Variants in CDK2 observed in about 807,000 individuals in gnomAD.
The protein encoded by CDK2 is cyclin dependent kinase 2, also known as cyclin-dependent kinase 2.
CDK2 carries 8 observed loss-of-function variants against 35.0 expected under a neutral mutation model. The ratio of observed to expected loss-of-function variants is 0.23; its 90% confidence interval spans 0.13 to 0.41. CDK2 has a LOEUF of 0.41. CDK2 is among the 10% of genes least tolerant of loss of function. The pLI, the probability that CDK2 is intolerant of heterozygous loss-of-function variation, is 1.00. For synonymous variants in CDK2, 134 were observed against 137.7 expected (o/e 0.97, Z 0.19); for missense variants, 201 against 367.1 (o/e 0.55, Z 3.70).
intron 3 of CDK2, among the ~76,000 whole-genome samples, chr12:55,968,540 A>G (rs1410656385): frequency 6.6e-6 from 1 of 152,188 alleles, no homozygotes; most frequent in Non-Finnish European, 1.5e-5. Flanking sequence ...TCCCAGAGCT[A>G]CTTTCAATCT....
At chr12:55,970,600 C>T in intron 5 of CDK2, 1 of 702,056 alleles carries the variant, frequency 1.4e-6, no homozygotes, top group Admixed American at 2.0e-5. Flanking sequence ...TTGTTAAGCA[C>T]CTAGTGGGTA....
rs1284056409 is a variant in CDK2 at position 55,971,577 on chromosome 12, C to T, written c.849C>T (p.His283=). ...TTTCGGCCAAGGCAGCCCTGGCTCA[C>T]CCTTTCTTCCAGGATGTGACCAAGC... ...KRISAKAALA[H]PFFQDVTKPV... The change falls in exon 7 of 7, where the codon CAC becomes CAT. Residue 283 remains histidine (H), a synonymous_variant. Coordinates refer to ENST00000266970, the MANE Select transcript of CDK2 (RefSeq NM_001798.5). 12 of 1,614,078 alleles carry T rather than the reference C, an allele frequency of 7.4e-6. No individual in the cohort carries two copies. Among genetic ancestry groups the T allele is most frequent in the Non-Finnish European group, 1.0e-5 (12 of 1,180,034 alleles).
Position 55,967,180 on chromosome 12 carries a change from C to G in CDK2, c.116+56C>G, listed in dbSNP as rs1008329090. On this transcript the variant is annotated intron_variant, in intron 1 of 6. Coordinates refer to ENST00000266970, the MANE Select transcript of CDK2 (RefSeq NM_001798.5). The stretch of plus-strand genomic sequence containing the variant: ...CTGGGGACCTCCTTGATTGTCCCCC[C>G]CAACCCCCCACGGGCGGGTAGCCGT... The G allele has an allele frequency of 1.3e-5, 17 of 1,327,582 alleles. No homozygotes were observed. The East Asian group carries it at 3.6e-4, about 28-fold the overall frequency. The allele number at this position is 1,327,582 out of a possible 1,614,324, so 82.2% of individuals were successfully genotyped here. A position where few individuals can be genotyped will look rare whatever the true frequency, so the allele number is the denominator to read the frequency against.
chr12:55,969,622 C>A, intron 5 of CDK2, 46 bp downstream of exon 5: 1 of 1,103,198 alleles, frequency 9.1e-7, no homozygotes, highest in Non-Finnish European at 1.4e-6. Flanking sequence ...CCCTCTCCTC[C>A]CCACATCCAA....
At chr12:55,968,710 G>C in intron 3 of CDK2, 68 bp from the exon 4 acceptor site, 1 of 1,235,044 alleles carries the variant, frequency 8.1e-7, no homozygotes, top group Non-Finnish European at 1.1e-6. Flanking sequence ...AGAGTTTTAG[G>C]GGCACAGAGC....
At chr12:55,970,793 A>AGACCC in intron 5 of CDK2, 1 of 695,626 alleles carries the variant, frequency 1.4e-6, no homozygotes, top group South Asian at 1.5e-5. Flanking sequence ...CCAGACATTC[A>AGACCC]CCCCCTCCCA....
At chr12:55,968,251 T>G in intron 3 of CDK2, 82 bp downstream of exon 3, 1 of 1,537,654 alleles carries the variant, frequency 6.5e-7, no homozygotes, top group Non-Finnish European at 8.9e-7. Flanking sequence ...TATTTTATGA[T>G]TTTGGCCTCC....
chr12:55,970,470 A>T (rs1469457618), intron 5 of CDK2: 1 of 603,004 alleles, frequency 1.7e-6, no homozygotes, highest in Admixed American at 2.8e-5. Context: ...ATTGTCTTTT[A>T]TCTTGGTTGT....
rs1325392225 is a variant in CDK2 at position 55,968,083 on chromosome 12, T to C, written c.229T>C (p.Tyr77His). ...LDVIHTENKL[Y>H]LVFEFLHQDL... ...TGTCATTCACACAGAAAATAAACTC[T>C]ACCTGGTTTTTGAATTTCTGCACCA... Residue 77 changes from tyrosine (Y) to histidine (H), a missense_variant, in exon 3 of 7, where the codon TAC becomes CAC. Physicochemically the swap from Tyr to His is moderately conservative, Grantham distance 83. Coordinates refer to ENST00000266970, the MANE Select transcript of CDK2 (RefSeq NM_001798.5). 1 of 1,613,974 alleles carries C rather than the reference T, an allele frequency of 6.2e-7. No homozygotes were observed. Among genetic ancestry groups the C allele is most frequent in the Admixed American group, 1.7e-5 (1 of 59,988 alleles).
intron 3 of CDK2, 66 bp downstream of exon 3, chr12:55,968,235 G>T (rs1889386419): frequency 1.3e-6 from 2 of 1,587,690 alleles, no homozygotes. Context: ...AGGCAATTCA[G>T]GGTGATATTT....
Position 55,972,768 on chromosome 12 carries a change from A to AT in CDK2, c.*1144dup. 1 of 152,110 alleles carries AT rather than the reference A, an allele frequency of 6.6e-6. No homozygotes were observed. Among genetic ancestry groups the AT allele is most frequent in the Middle Eastern group, 3.4e-3 (1 of 294 alleles). The allele number at this position is 152,110 out of a possible 1,614,324, so 9.4% of individuals were successfully genotyped here. ...ATTTAGTTTGTAGCTCATTAAAAAA[A>AT]TGTGCCTAGTTTTATAGTTCATCTC... On this transcript the variant is annotated 3_prime_UTR_variant, in exon 7 of 7. Transcript: ENST00000266970.
rs114405105 is a variant in CDK2 at position 55,971,009 on chromosome 12, G to A, written c.589-35G>A. The A allele has an allele frequency of 1.8e-3, 2,788 of 1,582,202 alleles. 50 individuals are homozygous for A. In the African/African-American group the frequency reaches 0.034, roughly 20 times the overall value. On this transcript the variant is annotated intron_variant, in intron 5 of 6. Transcript: ENST00000266970. ...GAGGAGAGTTTTGACTGACGTCAAC[G>A]TGGGTCTTGGTATTTCCTCTTTCCC...
intron 1 of CDK2, 101 bp from the exon 2 acceptor site, chr12:55,967,756 G>A: frequency 1.1e-6 from 1 of 914,108 alleles, no homozygotes. Flanking sequence ...TTTCCTAGGG[G>A]GTGCTGGGTG....
chr12:55,970,731 C>A, intron 5 of CDK2: 1 of 701,682 alleles, frequency 1.4e-6, no homozygotes, highest in Middle Eastern at 2.6e-4. Context: ...GCAGTGTCTA[C>A]CCCCTACCCC....
At chr12:55,969,050 T>C in intron 4 of CDK2, 102 bp downstream of exon 4, 1 of 885,168 alleles carries the variant, frequency 1.1e-6, no homozygotes, top group Non-Finnish European at 1.7e-6. Context: ...TCTTACTAGG[T>C]AGAAATAATC....
Position 55,967,079 on chromosome 12 carries a change from A to C in CDK2, c.71A>C (p.Lys24Thr). 6.2e-7 allele frequency: 1 copy of C among 1,614,008 alleles called. No individual in the cohort carries two copies. Among genetic ancestry groups the C allele is most frequent in the Non-Finnish European group, 8.5e-7 (1 of 1,179,982 alleles). Residue 24 changes from lysine (K) to threonine (T), a missense_variant, in exon 1 of 7, where the codon AAG (lysine) becomes ACG (threonine). By Grantham distance (78) the Lys-to-Thr change is moderately conservative (BLOSUM62 -1). This residue lies in a region of CDK2 where 37 missense variants were observed against 108.4 expected (regional missense o/e 0.34). Transcript: ENST00000266970. ...TYGVVYKARN[K>T]LTGEVVALKK... Reference sequence around the variant, plus strand: ...GGAGTTGTGTACAAAGCCAGAAACAAGTTGACGGGAGAGGTGGTGGCGCTT... The same window carrying C: ...GGAGTTGTGTACAAAGCCAGAAACACGTTGACGGGAGAGGTGGTGGCGCTT...
rs1274194251 is a variant in CDK2, at chr12:55,970,786, G to C, written c.589-258G>C. 1.6e-5 allele frequency: 11 copies of C among 698,582 alleles called. No homozygotes were observed. The South Asian group carries it at 1.6e-4, about 10-fold the overall frequency. The allele number at this position is 698,582 out of a possible 1,614,324, so 43.3% of individuals were successfully genotyped here. A position where few individuals can be genotyped will look rare whatever the true frequency, so the allele number is the denominator to read the frequency against. ...TTTGCTACATGTCAGTGGCACCCCA[G>C]ACATTCACCCCCTCCCAGACCCACC... is the stretch of plus-strand genomic sequence containing the variant. On this transcript the variant is annotated intron_variant, in intron 5 of 6. Transcript: ENST00000266970.
Position 55,971,618 on chromosome 12 carries a change from G to A in CDK2, c.890G>A (p.Arg297Gln), listed in dbSNP as rs201353858. ...QDVTKPVPHL[R>Q]L is the part of the protein sequence containing the mutation. Reference sequence around the variant, plus strand: ...GTGACCAAGCCAGTACCCCATCTTCGACTCTGATAGCCTTCTTGAAGCCCC... The same window carrying A: ...GTGACCAAGCCAGTACCCCATCTTCAACTCTGATAGCCTTCTTGAAGCCCC... The change falls in exon 7 of 7, where the codon CGA becomes CAA. Residue 297 changes from arginine to glutamine, a missense_variant. Coordinates refer to ENST00000266970, the MANE Select transcript of CDK2 (RefSeq NM_001798.5). 6 of 1,610,500 alleles carry A rather than the reference G, an allele frequency of 3.7e-6. No individual in the cohort carries two copies. Among genetic ancestry groups the A allele is most frequent in the South Asian group, 2.2e-5 (2 of 91,022 alleles).
At chr12:55,969,826 C>A (rs771803844) in intron 5 of CDK2, 3 of 325,102 alleles carry the variant, frequency 9.2e-6, no homozygotes, top group Non-Finnish European at 1.7e-5. Flanking sequence ...TAAAGCATTT[C>A]TGCAGCTGTT....
Sources: allele counts gnomAD v4.1 joint callset (sites outside exome capture counted in the v4.1 genomes callset), GRCh38; gene constraint gnomAD v4.1.1; regional missense constraint gnomAD v4.1.1; transcripts MANE v1.5; gene names NCBI Gene and HGNC (gene_info 2026-07-23, HGNC 2026-07-21).